Variants in BACH2 observed in about 807,000 individuals in gnomAD.
BACH2 encodes the protein transcription regulator protein BACH2.
In BACH2, 5 loss-of-function variants were observed where a neutral mutation model predicts 61.8. The ratio of observed to expected loss-of-function variants is 0.08; its 90% confidence interval spans 0.04 to 0.17. The LOEUF (loss-of-function observed/expected upper bound fraction) is 0.17, where lower values mean the gene tolerates loss of function less well. BACH2 is among the 10% of genes least tolerant of loss of function. The pLI is 1.00. For synonymous variants in BACH2, 446 were observed against 440.1 expected (o/e 1.01, Z -0.17); for missense variants, 824 against 1,091.1 (o/e 0.76, Z 3.45).
chr6:90,188,791 CTGAG>C (rs1768452445), intron 4 of BACH2, among the ~76,000 whole-genome samples: 1 of 139,768 alleles, frequency 7.2e-6, no homozygotes, highest in African/African-American at 2.7e-5. Flanking sequence ...CGAAAGGGGA[CTGAG>C]TATTTACGTT....
At chr6:90,257,568 C>G (rs530062458) in intron 2 of BACH2, among the ~76,000 whole-genome samples, 4 of 152,014 alleles carry the variant, frequency 2.6e-5, no homozygotes, top group Non-Finnish European at 4.4e-5. Flanking sequence ...TCAGGTAATT[C>G]GTTTGTTCTT....
chr6:90,002,246 T>C (rs1355376566), intron 6 of BACH2, among the ~76,000 whole-genome samples: 2 of 152,220 alleles, frequency 1.3e-5, no homozygotes, highest in East Asian at 3.9e-4. Context: ...CTCCCTGACC[T>C]GTTAATTCGA....
At chr6:90,180,069 G>A (rs1179558835) in intron 4 of BACH2, among the ~76,000 whole-genome samples, 2 of 152,046 alleles carry the variant, frequency 1.3e-5, no homozygotes, top group African/African-American at 4.8e-5. Context: ...CATAAAAAAA[G>A]AATGTTTAAC....
rs144912574 is a variant in BACH2 at position 90,109,743 on chromosome 6, T to C, written c.-161-20634A>G. On this transcript the variant is annotated intron_variant, in intron 4 of 8. Coordinates refer to ENST00000257749, the MANE Select transcript of BACH2 (RefSeq NM_021813.4). ...CTGAAGATGAATCAAAGAGAATATA[T>C]AGACTTCCATCTGCCCTGCCTCCAT... Among the ~76,000 whole-genome samples, 46 of 152,298 alleles carry C rather than the reference T, an allele frequency of 3.0e-4. 1 individual carries two copies. Among genetic ancestry groups the C allele is most frequent in the African/African-American group, 1.0e-3 (43 of 41,568 alleles).
chr6:90,286,592 A>C (rs1772023572), intron 1 of BACH2, among the ~76,000 whole-genome samples: 1 of 152,236 alleles, frequency 6.6e-6, no homozygotes. Context: ...ATTTAAAAGA[A>C]AATACTCTTG....
intron 4 of BACH2, among the ~76,000 whole-genome samples, chr6:90,193,636 C>T (rs1768654594): frequency 6.6e-6 from 1 of 152,152 alleles, no homozygotes; most frequent in Admixed American, 6.5e-5. Flanking sequence ...GTTCAGGATT[C>T]CTGAATCACC....
intron 5 of BACH2, among the ~76,000 whole-genome samples, chr6:90,061,227 G>C (rs937520744): frequency 6.6e-6 from 1 of 152,172 alleles, no homozygotes; most frequent in African/African-American, 2.4e-5. Flanking sequence ...ACATGTCTGA[G>C]AGAAGTAGCA....
chr6:90,258,679 ATTC>A (rs1436221357), intron 2 of BACH2, among the ~76,000 whole-genome samples: 2 of 152,196 alleles, frequency 1.3e-5, no homozygotes. Context: ...AACAATATTA[ATTC>A]TTCTGATCCA....
chr6:90,148,056 C>T (rs538311356), intron 4 of BACH2, among the ~76,000 whole-genome samples: 1 of 152,100 alleles, frequency 6.6e-6, no homozygotes, highest in Non-Finnish European at 1.5e-5. Flanking sequence ...AGAGGCTCTT[C>T]CCAAACAGTC....
intron 4 of BACH2, among the ~76,000 whole-genome samples, chr6:90,136,951 G>C (rs554238493): frequency 6.6e-6 from 1 of 151,908 alleles, no homozygotes; most frequent in African/African-American, 2.4e-5. Context: ...ATCTAGACCA[G>C]ATTCCCATTT....
At chr6:90,043,813 T>C (rs910107626) in intron 5 of BACH2, among the ~76,000 whole-genome samples, 4 of 152,206 alleles carry the variant, frequency 2.6e-5, no homozygotes, top group African/African-American at 2.4e-5. Context: ...GCAGGCACAG[T>C]TGGGAGATTC....
At chr6:90,174,183 A>G (rs1767914354) in intron 4 of BACH2, among the ~76,000 whole-genome samples, 1 of 152,086 alleles carries the variant, frequency 6.6e-6, no homozygotes, top group African/African-American at 2.4e-5. Flanking sequence ...CCTGAACAAA[A>G]TATTAGTAAT....
At chr6:89,968,460 G>A (rs1257029204) in intron 6 of BACH2, among the ~76,000 whole-genome samples, 1 of 152,116 alleles carries the variant, frequency 6.6e-6, no homozygotes, top group Non-Finnish European at 1.5e-5. Context: ...ATTTTTTTAA[G>A]AAGGCAATAA....
intron 4 of BACH2, among the ~76,000 whole-genome samples, chr6:90,143,389 G>A (rs1784525263): frequency 6.6e-6 from 1 of 152,112 alleles, no homozygotes; most frequent in South Asian, 2.1e-4. Flanking sequence ...TATCGGTTGT[G>A]CAACGCTGGG....
At chr6:89,995,911 T>A (rs922841242) in intron 6 of BACH2, among the ~76,000 whole-genome samples, 5 of 152,230 alleles carry the variant, frequency 3.3e-5, no homozygotes, top group Non-Finnish European at 7.3e-5. Flanking sequence ...GGCTTAAATA[T>A]GTTCCAAATA....
intron 4 of BACH2, among the ~76,000 whole-genome samples, chr6:90,095,382 C>T (rs1782341329): frequency 6.6e-6 from 1 of 151,926 alleles, no homozygotes; most frequent in Non-Finnish European, 1.5e-5. Flanking sequence ...TTTGCTGCAA[C>T]AGAGAAAGAA....
chr6:90,014,459 TA>T, intron 5 of BACH2, among the ~76,000 whole-genome samples: 1 of 75,694 alleles, frequency 1.3e-5, no homozygotes, highest in Non-Finnish European at 2.4e-5. Flanking sequence ...TATATATATA[TA>T]TATATATATT....
chr6:90,239,048 A>G (rs1217289537), intron 3 of BACH2, among the ~76,000 whole-genome samples: 1 of 152,264 alleles, frequency 6.6e-6, no homozygotes, highest in East Asian at 1.9e-4. Flanking sequence ...CAGGAGCAGC[A>G]GCAGGTTAGC....
At chr6:90,052,523 G>A (rs748120461) in intron 5 of BACH2, among the ~76,000 whole-genome samples, 3 of 152,138 alleles carry the variant, frequency 2.0e-5, no homozygotes, top group African/African-American at 2.4e-5. Flanking sequence ...GGGTTCAAGC[G>A]ATTCTCATGC....
Sources: allele counts gnomAD v4.1 joint callset (sites outside exome capture counted in the v4.1 genomes callset), GRCh38; gene constraint gnomAD v4.1.1; transcripts MANE v1.5; gene names NCBI Gene and HGNC (gene_info 2026-07-23, HGNC 2026-07-21).